Variants in GABRB1 observed in about 807,000 individuals in gnomAD.
The protein encoded by GABRB1 is gamma-aminobutyric acid type A receptor subunit beta1.
In GABRB1, 17 loss-of-function variants were observed where a neutral mutation model predicts 51.6. The observed-to-expected ratio is 0.33, with a 90% CI of 0.23 to 0.49. GABRB1 has a LOEUF of 0.49. Among genes scored for constraint, GABRB1 ranks in the 20% least tolerant of loss-of-function variants. The pLI is 0.99. For synonymous variants in GABRB1, 247 were observed against 218.9 expected (o/e 1.13, Z -1.14); for missense variants, 410 against 600.6 (o/e 0.68, Z 3.32).
At chr4:47,418,355 T>A (rs1359772358) in intron 8 of GABRB1, among the ~76,000 whole-genome samples, 3 of 152,220 alleles carry the variant, frequency 2.0e-5, no homozygotes, top group African/African-American at 7.2e-5. Context: ...TCTGCAGGGC[T>A]TGCTGGAAAC....
chr4:47,003,459 T>C (rs1241462756), intron 1 of GABRB1, among the ~76,000 whole-genome samples: 1 of 152,222 alleles, frequency 6.6e-6, no homozygotes, highest in East Asian at 1.9e-4. Flanking sequence ...CAGGAGGAAG[T>C]TCATTGTTAT....
At chr4:47,031,520 A>C (rs1279619267), upstream of GABRB1, 4 of 712,380 alleles carry the variant, frequency 5.6e-6, no homozygotes, top group Non-Finnish European at 7.5e-6. Context: ...TTTGCAAGGC[A>C]CAAGGTGTCT....
At chr4:47,394,444 G>C (rs1468230991) in intron 5 of GABRB1, among the ~76,000 whole-genome samples, 2 of 143,626 alleles carry the variant, frequency 1.4e-5, no homozygotes, top group Non-Finnish European at 3.0e-5. Context: ...GCTCAGAAGA[G>C]GATAGTCATT....
chr4:47,141,582 T>A lies in GABRB1; in HGVS notation c.241-19667T>A, dbSNP rs536334582. 5.3e-5 allele frequency among the ~76,000 whole-genome samples: 8 copies of A among 152,100 alleles called. No homozygotes were observed. In the East Asian group the frequency reaches 1.5e-3, roughly 29 times the overall value. ...GCCTTATTCTTATTTGCCCCTTTCA[T>A]CTTGACTCATTCACATACCTGTATT... On this transcript the variant is annotated intron_variant, in intron 3 of 8. Coordinates refer to ENST00000295454, the MANE Select transcript of GABRB1 (RefSeq NM_000812.4).
intron 4 of GABRB1, among the ~76,000 whole-genome samples, chr4:47,234,500 A>G (rs1412996909): frequency 6.6e-6 from 1 of 151,666 alleles, no homozygotes; most frequent in Non-Finnish European, 1.5e-5. Context: ...AAAAAAAAAA[A>G]TTGCTACACT....
intron 3 of GABRB1, among the ~76,000 whole-genome samples, chr4:47,137,294 A>T (rs539356164): frequency 4.1e-5 from 6 of 148,048 alleles, no homozygotes; most frequent in Admixed American, 3.4e-4. Context: ...AGCGAGGAAC[A>T]CCAGAGATTG....
At chr4:47,063,259 T>A (rs1316029697) in intron 3 of GABRB1, among the ~76,000 whole-genome samples, 1 of 152,170 alleles carries the variant, frequency 6.6e-6, no homozygotes, top group African/African-American at 2.4e-5. Context: ...TTGAAGCTTA[T>A]GCCATTTGAG....
chr4:47,057,687 T>A (rs1270718411), intron 3 of GABRB1, among the ~76,000 whole-genome samples: 1 of 152,246 alleles, frequency 6.6e-6, no homozygotes, highest in Non-Finnish European at 1.5e-5. Flanking sequence ...ATTCACATTT[T>A]CTCCTCATCT....
chr4:47,228,427 GA>G (rs891369603), intron 4 of GABRB1, among the ~76,000 whole-genome samples: 2 of 149,916 alleles, frequency 1.3e-5, no homozygotes, highest in Non-Finnish European at 3.0e-5. Flanking sequence ...AGAATTGAAA[GA>G]AAAAAAAATG....
intron 3 of GABRB1, among the ~76,000 whole-genome samples, chr4:47,111,730 T>C (rs1577917313): frequency 1.3e-5 from 2 of 151,686 alleles, no homozygotes; most frequent in Non-Finnish European, 2.9e-5. Context: ...CTGGGCAGGG[T>C]GGCACATACC....
At chr4:47,398,789 T>C (rs1159710814) in intron 5 of GABRB1, among the ~76,000 whole-genome samples, 2 of 150,258 alleles carry the variant, frequency 1.3e-5, no homozygotes, top group Non-Finnish European at 3.0e-5. Flanking sequence ...TGTTTGTTTG[T>C]TTTGTTTTGT....
chr4:46,996,932 A>G (rs1398140568), intron 1 of GABRB1, among the ~76,000 whole-genome samples: 2 of 152,184 alleles, frequency 1.3e-5, no homozygotes, highest in Non-Finnish European at 2.9e-5. Flanking sequence ...GATGTGAATT[A>G]CTGCTTTAAA....
chr4:47,384,967 C>G (rs1247597061), intron 5 of GABRB1, among the ~76,000 whole-genome samples: 2 of 152,192 alleles, frequency 1.3e-5, no homozygotes, highest in Non-Finnish European at 2.9e-5. Context: ...TACTGACACA[C>G]TAGTTTAGCT....
intron 1 of GABRB1, among the ~76,000 whole-genome samples, chr4:47,014,722 G>A (rs920698768): frequency 6.6e-6 from 1 of 152,152 alleles, no homozygotes; most frequent in Admixed American, 6.5e-5. Context: ...CAGAAGTTAA[G>A]TATATGATTC....
At chr4:47,184,240 T>C (rs970496337) in intron 4 of GABRB1, among the ~76,000 whole-genome samples, 2 of 152,074 alleles carry the variant, frequency 1.3e-5, no homozygotes, top group Admixed American at 1.3e-4. Flanking sequence ...TTTTATTCAT[T>C]AGTTATCTCA....
chr4:47,003,228 C>A (rs1724283983), intron 1 of GABRB1, among the ~76,000 whole-genome samples: 1 of 151,960 alleles, frequency 6.6e-6, no homozygotes, highest in Admixed American at 6.6e-5. Context: ...ACTTACATAT[C>A]TTTAAAATTT....
At chr4:46,994,483 T>TGTGAGA (rs994017551) in intron 1 of GABRB1, 2 of 141,302 alleles carry the variant, frequency 1.4e-5, no homozygotes, top group African/African-American at 2.6e-5. Context: ...TGTGTGTGTG[T>TGTGAGA]GAGAGAGAGA....
intron 5 of GABRB1, among the ~76,000 whole-genome samples, chr4:47,399,188 A>T (rs765360336): frequency 2.0e-5 from 3 of 152,170 alleles, no homozygotes; most frequent in Non-Finnish European, 4.4e-5. Flanking sequence ...AAATAATCAT[A>T]TGGGTTTTAT....
intron 5 of GABRB1, among the ~76,000 whole-genome samples, chr4:47,338,986 TA>T (rs916614059): frequency 2.0e-5 from 3 of 152,140 alleles, no homozygotes; most frequent in Non-Finnish European, 4.4e-5. Flanking sequence ...AACAGAATGC[TA>T]AAAAAACTTG....
Sources: allele counts gnomAD v4.1 joint callset (sites outside exome capture counted in the v4.1 genomes callset), GRCh38; gene constraint gnomAD v4.1.1; transcripts MANE v1.5; gene names NCBI Gene and HGNC (gene_info 2026-07-23, HGNC 2026-07-21).